The following KCNAB1 variants were observed in gnomAD, a reference collection of about 807,000 sequenced individuals.
The protein encoded by KCNAB1 is voltage-gated potassium channel subunit beta-1.
KCNAB1 carries 35 observed loss-of-function variants against 64.6 expected under a neutral mutation model. The observed-to-expected ratio is 0.54, with a 90% CI of 0.41 to 0.72. The LOEUF (loss-of-function observed/expected upper bound fraction) is 0.72. Among genes scored for constraint, KCNAB1 ranks in the 30% least tolerant of loss-of-function variants. The pLI is 0.00. For synonymous variants in KCNAB1, 177 were observed against 183.8 expected (o/e 0.96, Z 0.30); for missense variants, 401 against 512.9 (o/e 0.78, Z 2.11).
chr3:156,501,901 A>G (rs972553702), intron 8 of KCNAB1, among the ~76,000 whole-genome samples: 3 of 152,164 alleles, frequency 2.0e-5, no homozygotes, highest in Admixed American at 6.5e-5. Flanking sequence ...GGTGGCAGGA[A>G]GAGAAAACGA....
chr3:156,402,107 AC>A (rs1362118050), intron 1 of KCNAB1, among the ~76,000 whole-genome samples: 1 of 151,898 alleles, frequency 6.6e-6, no homozygotes, highest in Non-Finnish European at 1.5e-5. Context: ...TATGTAACAA[AC>A]CTCCACATTG....
chr3:156,420,406 A>G (rs1715394332), intron 1 of KCNAB1, among the ~76,000 whole-genome samples: 1 of 152,204 alleles, frequency 6.6e-6, no homozygotes, highest in East Asian at 1.9e-4. Flanking sequence ...GTGCAATTGA[A>G]TGTGTTGCTT....
At position 156,257,515 on chromosome 3, in the gene KCNAB1, A is replaced by G. The variant is rs115604306; in HGVS notation, c.275+136629A>G. On this transcript the variant is annotated intron_variant, in intron 1 of 13. Coordinates refer to ENST00000490337, the MANE Select transcript of KCNAB1 (RefSeq NM_172160.3). Reference sequence around the variant, plus strand: ...TTGCCTGTTCTATGTCCAGAGCCCTACTCTGAGGACAGCTTCTACCCTACA... The same window carrying G: ...TTGCCTGTTCTATGTCCAGAGCCCTGCTCTGAGGACAGCTTCTACCCTACA... Among the ~76,000 whole-genome samples the G allele has an allele frequency of 9.6e-3, 1,463 of 152,310 alleles. 13 individuals are homozygous for G. The highest frequency in any genetic ancestry group is 0.016 in the Non-Finnish European group (1,109 of 68,032).
intron 8 of KCNAB1, among the ~76,000 whole-genome samples, chr3:156,484,041 G>A (rs561587407): frequency 6.6e-6 from 1 of 152,246 alleles, no homozygotes; most frequent in East Asian, 1.9e-4. Flanking sequence ...TTGGAAATCA[G>A]TGATTCCCAA....
At chr3:156,242,738 GT>G (rs1279799955) in intron 1 of KCNAB1, among the ~76,000 whole-genome samples, 1 of 144,880 alleles carries the variant, frequency 6.9e-6, no homozygotes, top group East Asian at 2.0e-4. Context: ...GATTCCAGTT[GT>G]TATCATTGTG....
chr3:156,422,281 G>A (rs756882564), intron 2 of KCNAB1, among the ~76,000 whole-genome samples: 11 of 152,226 alleles, frequency 7.2e-5, no homozygotes, highest in Non-Finnish European at 1.3e-4. Context: ...GGGGAGGCTT[G>A]AGGCCTCCAG....
At chr3:156,442,252 T>C (rs1029847987) in intron 2 of KCNAB1, among the ~76,000 whole-genome samples, 2 of 152,182 alleles carry the variant, frequency 1.3e-5, no homozygotes, top group African/African-American at 2.4e-5. Flanking sequence ...TTTAGTGCAC[T>C]GAAATTTCAT....
At chr3:156,410,782 T>C (rs1260945276) in intron 1 of KCNAB1, among the ~76,000 whole-genome samples, 2 of 152,230 alleles carry the variant, frequency 1.3e-5, no homozygotes, top group African/African-American at 4.8e-5. Context: ...CTTTAATTCT[T>C]TTTATTGCCG....
At chr3:156,516,924 T>C (rs919739469) in intron 11 of KCNAB1, among the ~76,000 whole-genome samples, 1 of 152,178 alleles carries the variant, frequency 6.6e-6, no homozygotes, top group Non-Finnish European at 1.5e-5. Flanking sequence ...AATTCTGCTC[T>C]GAAGCAAAAA....
intron 8 of KCNAB1, among the ~76,000 whole-genome samples, chr3:156,479,162 G>GA (rs1714604567): frequency 1.3e-5 from 2 of 152,024 alleles, no homozygotes; most frequent in African/African-American, 4.8e-5. Context: ...TCCAGTCCTA[G>GA]AAAAAAATCA....
chr3:156,486,482 G>A (rs1715225603), intron 8 of KCNAB1, among the ~76,000 whole-genome samples: 2 of 152,122 alleles, frequency 1.3e-5, no homozygotes, highest in African/African-American at 2.4e-5. Context: ...GGGTTTGAAG[G>A]CCATTCAGAT....
chr3:156,466,548 G>A (rs1713389108), intron 7 of KCNAB1, among the ~76,000 whole-genome samples: 1 of 151,574 alleles, frequency 6.6e-6, no homozygotes, highest in South Asian at 2.1e-4. Context: ...AGCTTTTGGG[G>A]TACGAGTAGT....
At chr3:156,212,772 A>C (rs1560139241) in intron 1 of KCNAB1, among the ~76,000 whole-genome samples, 1 of 152,104 alleles carries the variant, frequency 6.6e-6, no homozygotes, top group Non-Finnish European at 1.5e-5. Flanking sequence ...GGATGGGAGG[A>C]GCTTGAGGAA....
At chr3:156,260,133 C>T (rs143407222) in intron 1 of KCNAB1, among the ~76,000 whole-genome samples, 12 of 152,308 alleles carry the variant, frequency 7.9e-5, no homozygotes, top group Non-Finnish European at 1.3e-4. Flanking sequence ...CCTCTTTCTA[C>T]AGCAGCTTGT....
chr3:156,258,028 A>C (rs900873838), intron 1 of KCNAB1, among the ~76,000 whole-genome samples: 1 of 152,188 alleles, frequency 6.6e-6, no homozygotes, highest in Non-Finnish European at 1.5e-5. Flanking sequence ...CTTTCCTTGC[A>C]ATAACCCTAG....
intron 1 of KCNAB1, among the ~76,000 whole-genome samples, chr3:156,313,459 C>T (rs1004571858): frequency 5.3e-5 from 8 of 152,080 alleles, no homozygotes; most frequent in Non-Finnish European, 8.8e-5. Flanking sequence ...GGTATCTTTA[C>T]AAGAGTGAAG....
At chr3:156,302,730 G>A (rs886720949) in intron 1 of KCNAB1, among the ~76,000 whole-genome samples, 3 of 152,272 alleles carry the variant, frequency 2.0e-5, no homozygotes, top group African/African-American at 4.8e-5. Context: ...CCTACGAGGA[G>A]TATCTCTTTT....
intron 1 of KCNAB1, among the ~76,000 whole-genome samples, chr3:156,377,208 G>GA (rs977818380): frequency 3.3e-5 from 5 of 151,972 alleles, no homozygotes; most frequent in African/African-American, 1.2e-4. Context: ...CTTCGCATCT[G>GA]AAAAAAAATT....
At chr3:156,431,430 G>A (rs925668317) in intron 2 of KCNAB1, among the ~76,000 whole-genome samples, 2 of 152,178 alleles carry the variant, frequency 1.3e-5, no homozygotes, top group African/African-American at 2.4e-5. Flanking sequence ...TCTGCCAGTG[G>A]AGTGGGGCTG....
Sources: allele counts gnomAD v4.1 joint callset (sites outside exome capture counted in the v4.1 genomes callset), GRCh38; gene constraint gnomAD v4.1.1; transcripts MANE v1.5; gene names NCBI Gene and HGNC (gene_info 2026-07-23, HGNC 2026-07-21).